Variants in SLC43A2 observed in about 807,000 individuals in gnomAD.
The protein encoded by SLC43A2 is solute carrier family 43 member 2, also known as large neutral amino acids transporter small subunit 4.
SLC43A2 carries 38 observed loss-of-function variants against 63.2 expected under a neutral mutation model. The observed-to-expected ratio is 0.60, with a 90% CI of 0.46 to 0.79. The LOEUF (loss-of-function observed/expected upper bound fraction) is 0.79, where lower values mean the gene tolerates loss of function less well. Among genes scored for constraint, SLC43A2 ranks in the 30% least tolerant of loss-of-function variants. The probability of loss-of-function intolerance (pLI) is 0.00; values close to 1 mark genes in which losing one functional copy is unlikely to be tolerated. For missense variants in SLC43A2, 644 were observed against 756.2 expected (o/e 0.85, Z 1.74); for synonymous variants, 322 against 331.0 (o/e 0.97, Z 0.30).
chr17:1,588,598 G>A (rs1904435175), intron 9 of SLC43A2, among the ~76,000 whole-genome samples: 1 of 151,128 alleles, frequency 6.6e-6, no homozygotes, highest in Non-Finnish European at 1.5e-5. Context: ...TTAGGAGGCC[G>A]AGGTGGGAGG....
chr17:1,626,830 A>G (rs1908705121), intron 2 of SLC43A2, among the ~76,000 whole-genome samples: 1 of 152,196 alleles, frequency 6.6e-6, no homozygotes, highest in Non-Finnish European at 1.5e-5. Flanking sequence ...GAGAAGGCAG[A>G]GGGAAAATTT....
intron 6 of SLC43A2, 35 bp from the exon 7 acceptor site, chr17:1,591,734 A>AGGGGGGGGGGGGGGGGGGGGG: frequency 3.4e-6 from 1 of 293,096 alleles, no homozygotes; most frequent in Non-Finnish European, 6.8e-6. Context: ...TGGGGGGGGG[A>AGGGGGGGGGGGGGGGGGGGGG]GGGGGCAGAG....
intron 3 of SLC43A2, among the ~76,000 whole-genome samples, chr17:1,616,011 C>A (rs144086249): frequency 0.032 from 4,744 of 148,804 alleles, 129 homozygotes; most frequent in Non-Finnish European, 0.051. Context: ...CCACTGCACT[C>A]CAGCCTGGGC....
chr17:1,624,015 C>A (rs1362294920), intron 2 of SLC43A2, among the ~76,000 whole-genome samples: 1 of 152,232 alleles, frequency 6.6e-6, no homozygotes, highest in African/African-American at 2.4e-5. Context: ...TTCTTGGGGG[C>A]CCGACCACCC....
chr17:1,626,033 C>CA (rs1410931771), intron 2 of SLC43A2, among the ~76,000 whole-genome samples: 2 of 150,718 alleles, frequency 1.3e-5, no homozygotes, highest in African/African-American at 2.4e-5. Context: ...AAAAAACAAA[C>CA]AAAAAACACC....
At chr17:1,582,956 G>A (rs569207345) in intron 11 of SLC43A2, among the ~76,000 whole-genome samples, 1 of 152,266 alleles carries the variant, frequency 6.6e-6, no homozygotes, top group South Asian at 2.1e-4. Flanking sequence ...GTGCGCACCT[G>A]TAATCCCAGC....
In SLC43A2 at chr17:1,593,906, C is replaced by T. The variant is rs1039993359; in HGVS notation, c.502-627G>A. On this transcript the variant is annotated intron_variant, in intron 5 of 13. Coordinates refer to ENST00000301335, the MANE Select transcript of SLC43A2 (RefSeq NM_152346.3). The surrounding 1 kb of genome is among the most constrained non-coding windows in gnomAD (Gnocchi z 5.3). The stretch of plus-strand genomic sequence containing the variant: ...CCAGGCTGGAGCGCAGTGGTGTGAG[C>T]TCGGCTCGTTGCAACCTCCGCCTCC... Among the ~76,000 whole-genome samples the T allele has an allele frequency of 2.0e-5, 3 of 152,068 alleles. No homozygotes were observed. Among genetic ancestry groups the T allele is most frequent in the Non-Finnish European group, 4.4e-5 (3 of 68,008 alleles).
intron 11 of SLC43A2, among the ~76,000 whole-genome samples, chr17:1,581,935 T>A (rs1157740546): frequency 6.7e-6 from 1 of 148,840 alleles, no homozygotes; most frequent in African/African-American, 2.5e-5. Context: ...CCCTCCTGAG[T>A]AGCTGGGATT....
chr17:1,629,901 CCCCAGAAT>C (rs1909018334), upstream of SLC43A2, among the ~76,000 whole-genome samples: 1 of 152,206 alleles, frequency 6.6e-6, no homozygotes, highest in African/African-American at 2.4e-5. Context: ...CCTCTGACTG[CCCCAGAAT>C]CGCCTTGGTC....
chr17:1,627,741 A>G lies in SLC43A2; in HGVS notation c.134T>C (p.Phe45Ser). The change falls in exon 2 of 14, where the codon TTT becomes TCT. Residue 45 changes from phenylalanine (F) to serine (S), a missense_variant. By Grantham distance (155) the Phe-to-Ser change is radical. Transcript: ENST00000301335. ...TGGCTCGGTACACAGGTAGGAGTAA[A>G]AGCCCTCTGACTTGAGCATGATGAG... is the stretch of plus-strand genomic sequence containing the variant. ...SLLIMLKSEGFYSYLCTEPEN... is the reference protein window; with the variant it reads ...SLLIMLKSEGSYSYLCTEPEN... 1 of 1,592,750 alleles carries G rather than the reference A, an allele frequency of 6.3e-7. No individual in the cohort carries two copies.
chr17:1,604,504 G>A (rs1906395314), intron 5 of SLC43A2: 1 of 563,942 alleles, frequency 1.8e-6, no homozygotes, highest in South Asian at 2.2e-5. Flanking sequence ...CCCTCCTTAG[G>A]CAACCTGGGG....
chr17:1,612,967 G>A (rs1404893533), intron 5 of SLC43A2, among the ~76,000 whole-genome samples: 1 of 150,128 alleles, frequency 6.7e-6, no homozygotes, highest in Non-Finnish European at 1.5e-5. Context: ...GCAAGACTCC[G>A]TCTCAAAAAA....
chr17:1,602,994 G>C (rs1242417138), intron 5 of SLC43A2: 1 of 149,410 alleles, frequency 6.7e-6, no homozygotes, highest in Non-Finnish European at 1.5e-5. Context: ...CCTGACCTCA[G>C]GTGATCCACC....
rs548539744 is a variant in SLC43A2, at chr17:1,579,563, G to A, written c.1351-1240C>T. Among the ~76,000 whole-genome samples, 375 of 151,244 alleles carry A rather than the reference G, an allele frequency of 2.5e-3. 2 individuals are homozygous for A. The highest frequency in any genetic ancestry group is 8.6e-3 in the African/African-American group (356 of 41,204). ...CTGAAAACTCATCACTTCCTGGCCTGGTGCAGTGGCTCACACCTGTAATCC... is the reference window on the plus strand; with the variant it reads ...CTGAAAACTCATCACTTCCTGGCCTAGTGCAGTGGCTCACACCTGTAATCC... On this transcript the variant is annotated intron_variant, in intron 11 of 13. Coordinates refer to ENST00000301335, the MANE Select transcript of SLC43A2 (RefSeq NM_152346.3).
At chr17:1,584,659 A>G (rs547234952) in intron 10 of SLC43A2, among the ~76,000 whole-genome samples, 422 of 26,262 alleles carry the variant, frequency 0.016, no homozygotes, top group African/African-American at 0.02. Flanking sequence ...CTAAAAATAT[A>G]TATTAAAAAA....
chr17:1,620,993 T>G (rs542151550), intron 2 of SLC43A2, among the ~76,000 whole-genome samples: 1 of 152,168 alleles, frequency 6.6e-6, no homozygotes, highest in African/African-American at 2.4e-5. Flanking sequence ...AGATGCCTCC[T>G]CTGGGGTGGC....
chr17:1,609,019 G>A (rs1287557055), intron 5 of SLC43A2, among the ~76,000 whole-genome samples: 1 of 152,118 alleles, frequency 6.6e-6, no homozygotes, highest in Non-Finnish European at 1.5e-5. Context: ...ATTCACAGAA[G>A]AAATGCAATT....
chr17:1,615,784 A>G (rs953162799), intron 3 of SLC43A2, among the ~76,000 whole-genome samples: 47 of 147,534 alleles, frequency 3.2e-4, no homozygotes. Context: ...CGGAGCTCGC[A>G]GTGAGCCGAG....
chr17:1,623,729 T>C (rs1028092469), intron 2 of SLC43A2, among the ~76,000 whole-genome samples: 1 of 125,440 alleles, frequency 8.0e-6, no homozygotes, highest in African/African-American at 3.1e-5. Context: ...TCCTCCAGGC[T>C]GTACCCTCCT....
Sources: gnomAD v4.1 joint callset for allele counts (sites outside exome capture counted in the v4.1 genomes callset) on GRCh38, gnomAD v4.1.1 for gene constraint, Gnocchi (gnomAD v3.1) non-coding constraint, MANE v1.5 for transcripts, NCBI Gene and HGNC (gene_info 2026-07-23, HGNC 2026-07-21) for gene names.